The following MED6 variants were observed in gnomAD, a reference collection of about 807,000 sequenced individuals.
The protein encoded by MED6 is mediator complex subunit 6.
A neutral mutation model predicts 37.5 loss-of-function variants in MED6; 33 were observed. The ratio of observed to expected loss-of-function variants is 0.88; its 90% CI spans 0.67 to 1.18. The LOEUF (loss-of-function observed/expected upper bound fraction) is 1.18. Among genes scored for constraint, MED6 ranks in the 50% most tolerant of loss-of-function variants. The pLI is 0.00. For synonymous variants in MED6, 94 were observed against 93.6 expected (o/e 1.00, Z -0.02); for missense variants, 235 against 290.6 (o/e 0.81, Z 1.39).
rs1470079903 is a variant in MED6 at position 70,584,567 on chromosome 14, G to C, written c.*246C>G. ...ATTTTTGTATTTTTAGTAGAGACGG[G>C]GTTTCACCATATTGGTCAGGCTGGT... On this transcript the variant is annotated 3_prime_UTR_variant, in exon 8 of 8. Coordinates refer to ENST00000256379, the MANE Select transcript of MED6 (RefSeq NM_005466.4). 5.3e-6 allele frequency: 2 copies of C among 376,138 alleles called. No homozygotes were observed. The highest frequency in any genetic ancestry group is 4.2e-5 in the African/African-American group (2 of 47,194). The allele number at this position is 376,138 out of a possible 1,614,324, so 23.3% of individuals were successfully genotyped here.
At chr14:70,587,667 T>C (rs8010044) in intron 6 of MED6, among the ~76,000 whole-genome samples, 45,205 of 152,112 alleles carry the variant, frequency 0.3, 9,911 homozygotes, top group African/African-American at 0.6. Flanking sequence ...TAAGTCCTGC[T>C]AGACTAGTAG....
At chr14:70,594,767 A>G (rs1884992027) in intron 3 of MED6, 1 of 553,702 alleles carries the variant, frequency 1.8e-6, no homozygotes, top group Admixed American at 2.6e-5. Context: ...TCTAGCAGGA[A>G]TGGGAGGCAT....
Position 70,596,701 on chromosome 14 carries a change from G to A in MED6, c.184C>T (p.Gln62Ter). 1 of 1,611,362 alleles carries A rather than the reference G, an allele frequency of 6.2e-7. No individual in the cohort carries two copies. Among genetic ancestry groups the A allele is most frequent in the Non-Finnish European group, 8.5e-7 (1 of 1,177,844 alleles). ...AGGATGTACTCGATTCCAACCATCT[G>A]ACTGAAAACAGAACACAGACATCCA... Reference protein sequence around the residue: ...MQRLTLEHLNQMVGIEYILLH... With the variant: ...MQRLTLEHLN Residue 62 changes from glutamine to a stop codon, truncating the protein, a stop_gained and splice_region_variant, in exon 3 of 8, where the codon CAG becomes TAG. Coordinates refer to ENST00000256379, the MANE Select transcript of MED6 (RefSeq NM_005466.4). LOFTEE classifies it high-confidence loss of function.
At chr14:70,587,899 T>C (rs911529954) in intron 6 of MED6, among the ~76,000 whole-genome samples, 1 of 152,186 alleles carries the variant, frequency 6.6e-6, no homozygotes, top group East Asian at 1.9e-4. Context: ...AATTAAAATA[T>C]GGAAAAAGGA....
At chr14:70,600,381 C>T (rs1440429227) in intron 1 of MED6, among the ~76,000 whole-genome samples, 1 of 151,824 alleles carries the variant, frequency 6.6e-6, no homozygotes, top group Non-Finnish European at 1.5e-5. Context: ...AGCTCAAAAC[C>T]CAGAGCTTCT....
At chr14:70,592,478 C>CTTTTTTTTTTTTTTTTTTTTTTTTTTTT (rs201036704) in intron 5 of MED6, 1 of 88,836 alleles carries the variant, frequency 1.1e-5, no homozygotes, top group African/African-American at 5.9e-5. Flanking sequence ...TCCTATGTTC[C>CTTTTTTTTTTTTTTTTTTTTTTTTTTTT]TTTTTTTTTT....
At chr14:70,597,325 C>A (rs1006118671) in intron 2 of MED6, among the ~76,000 whole-genome samples, 1 of 152,092 alleles carries the variant, frequency 6.6e-6, no homozygotes, top group African/African-American at 2.4e-5. Flanking sequence ...ATAAAAGAGA[C>A]AATAATTATA....
In MED6 at chr14:70,583,522, T is replaced by TGCAGAG. The variant is rs1884608168; in HGVS notation, c.*1285_*1290dup. On this transcript the variant is annotated 3_prime_UTR_variant, in exon 8 of 8. Transcript: ENST00000256379. ...CAATATGGACTAAGAGCAATAAAAA[T>TGCAGAG]GCAGAGACTCTAGTGATTCCACTTC... 1 of 152,150 alleles carries TGCAGAG rather than the reference T, an allele frequency of 6.6e-6. No homozygotes were observed. 9.4% of individuals were successfully genotyped at this position (152,150 alleles called of 1,614,324 possible).
chr14:70,592,347 G>C (rs1347228145), intron 5 of MED6, among the ~76,000 whole-genome samples: 2 of 152,070 alleles, frequency 1.3e-5, no homozygotes, highest in African/African-American at 4.8e-5. Context: ...GCTCTAAAAA[G>C]CAATCTCTCT....
chr14:70,595,179 T>C (rs1271281044), intron 3 of MED6: 5 of 537,348 alleles, frequency 9.3e-6, no homozygotes, highest in Non-Finnish European at 1.8e-5. Flanking sequence ...GGAGCTGCTC[T>C]TCATGAAGAA....
At chr14:70,592,217 A>G (rs192014129) in intron 5 of MED6, among the ~76,000 whole-genome samples, 3 of 152,346 alleles carry the variant, frequency 2.0e-5, no homozygotes, top group East Asian at 3.9e-4. Flanking sequence ...TTCTGGAGGT[A>G]GTCGAACAGT....
At position 70,591,252 on chromosome 14, in the gene MED6, CAT is replaced by C. The variant is rs1884861303; in HGVS notation, c.582+12_582+13del. 6.3e-7 allele frequency: 1 copy of C among 1,574,812 alleles called. No homozygotes were observed. The highest frequency in any genetic ancestry group is 8.7e-7 in the Non-Finnish European group (1 of 1,146,300). On this transcript the variant is annotated intron_variant, in intron 6 of 7. Coordinates refer to ENST00000256379, the MANE Select transcript of MED6 (RefSeq NM_005466.4). ...AAGTGTCAAATCAAGATTAACCACA[CAT>C]ATTCTCATTACCTGCACAAATTTGG...
chr14:70,592,441 T>C (rs908645644), intron 5 of MED6: 1 of 153,390 alleles, frequency 6.5e-6, no homozygotes, highest in Non-Finnish European at 1.4e-5. Flanking sequence ...AGGAATATCA[T>C]CTCTGCTCAT....
At chr14:70,585,870 CATATTAA>C (rs1476157263) in intron 6 of MED6, 87 bp from the exon 7 acceptor site, 4 of 1,028,086 alleles carry the variant, frequency 3.9e-6, no homozygotes, top group Non-Finnish European at 5.7e-6. Flanking sequence ...TTCCTGATGT[CATATTAA>C]TAAAATGAAA....
chr14:70,597,673 T>G lies in MED6; in HGVS notation c.127A>C (p.Arg43=). ...TTGACCACTTCATTATTACATGTTC[T>G]GTCATAAAAAGGATTACTTCTTTCT... ...FSERSNPFYD[R]TCNNEVVKMQ... is the part of the protein sequence containing the mutation. Residue 43 remains arginine, a synonymous_variant, in exon 2 of 8, where the codon AGA becomes CGA. Transcript: ENST00000256379. The G allele has an allele frequency of 6.4e-7, 1 of 1,559,726 alleles. No homozygotes were observed. The highest frequency in any genetic ancestry group is 8.6e-7 in the Non-Finnish European group (1 of 1,159,752).
Position 70,584,687 on chromosome 14 carries a change from C to CA in MED6, c.*125dup. 7.7e-7 allele frequency: 1 copy of CA among 1,291,492 alleles called. No individual in the cohort carries two copies. The highest frequency in any genetic ancestry group is 2.4e-5 in the East Asian group (1 of 41,120). The allele number at this position is 1,291,492 out of a possible 1,614,324, so 80.0% of individuals were successfully genotyped here. A position where few individuals can be genotyped will look rare whatever the true frequency, so the allele number is the denominator to read the frequency against. ...CACCACATCCGGCCTAATATCCTTT[C>CA]AAAAAATAAGCGCATTCCATACAAA... is the stretch of plus-strand genomic sequence containing the variant. On this transcript the variant is annotated 3_prime_UTR_variant, in exon 8 of 8. Coordinates refer to ENST00000256379, the MANE Select transcript of MED6 (RefSeq NM_005466.4).
At chr14:70,598,312 A>G (rs548744514) in intron 1 of MED6, among the ~76,000 whole-genome samples, 7 of 152,206 alleles carry the variant, frequency 4.6e-5, no homozygotes. Flanking sequence ...AAAGAAAAAA[A>G]ACAAAACAAA....
chr14:70,599,460 T>C (rs994099672), intron 1 of MED6, among the ~76,000 whole-genome samples: 7 of 152,178 alleles, frequency 4.6e-5, no homozygotes, highest in Admixed American at 1.3e-4. Context: ...GCAGCCAATG[T>C]AGTCCTAAAA....
In MED6 at chr14:70,592,895, C is replaced by T. The variant is rs757476179; in HGVS notation, c.451G>A (p.Asp151Asn). Residue 151 changes from aspartate to asparagine, a missense_variant, in exon 5 of 8, where the codon GAT becomes AAT. Asp to Asn is a conservative substitution (Grantham distance 23, BLOSUM62 1). Coordinates refer to ENST00000256379, the MANE Select transcript of MED6 (RefSeq NM_005466.4). ...PSKGYWWHFK[D>N]HEEQDKVRPK... Reference sequence around the variant, plus strand: ...TTCTACTTACCTTGCTCTTCATGATCTTTGAAGTGCCACCAATACCCTTTG... The same window carrying T: ...TTCTACTTACCTTGCTCTTCATGATTTTTGAAGTGCCACCAATACCCTTTG... 6.2e-7 allele frequency: 1 copy of T among 1,613,670 alleles called. No homozygotes were observed. The highest frequency in any genetic ancestry group is 8.5e-7 in the Non-Finnish European group (1 of 1,179,834).
Sources: allele counts gnomAD v4.1 joint callset (sites outside exome capture counted in the v4.1 genomes callset), GRCh38; gene constraint gnomAD v4.1.1; transcripts MANE v1.5; gene names NCBI Gene and HGNC (gene_info 2026-07-23, HGNC 2026-07-21).